Variants in ODAD2 observed in about 807,000 individuals in gnomAD.
ODAD2 encodes outer dynein arm docking complex subunit 2, also known as outer dynein arm-docking complex subunit 2.
ODAD2 carries 89 observed loss-of-function variants against 106.8 expected under a neutral mutation model. That is an observed-to-expected ratio of 0.83 (90% CI 0.70 to 0.99). The LOEUF (loss-of-function observed/expected upper bound fraction) is 0.99, where lower values mean the gene tolerates loss of function less well. ODAD2 is among the 50% of genes least tolerant of loss of function. The pLI is 0.00. For missense variants in ODAD2, 1,168 were observed against 1,238.5 expected, an observed-to-expected ratio of 0.94 and a Z score of 0.85; for synonymous variants, 404 against 436.2, an observed-to-expected ratio of 0.93 and a Z score of 0.92.
chr10:27,834,791 A>G (rs1325452314), intron 19 of ODAD2, among the ~76,000 whole-genome samples: 1 of 152,150 alleles, frequency 6.6e-6, no homozygotes, highest in Non-Finnish European at 1.5e-5. Flanking sequence ...TCTCTCTTTT[A>G]ATTCTCAGAT....
chr10:27,869,528 T>C (rs542121743), intron 17 of ODAD2, among the ~76,000 whole-genome samples: 8 of 131,134 alleles, frequency 6.1e-5, no homozygotes, highest in Non-Finnish European at 1.3e-4. Flanking sequence ...CTTTTTTTTC[T>C]TTTTTCTTTT....
At chr10:27,971,359 C>G (rs757650419) in intron 7 of ODAD2, 46 bp from the exon 8 acceptor site, 1 of 1,448,772 alleles carries the variant, frequency 6.9e-7, no homozygotes, top group South Asian at 1.4e-5. Context: ...TCTGAATTAT[C>G]TAGTGTTCTC....
intron 17 of ODAD2, among the ~76,000 whole-genome samples, chr10:27,888,349 A>T (rs996789873): frequency 1.3e-5 from 2 of 152,076 alleles, no homozygotes; most frequent in African/African-American, 4.8e-5. Flanking sequence ...TTTACTTTTT[A>T]ATAATAGCCA....
At chr10:27,985,843 A>G (rs550579503) in intron 3 of ODAD2, among the ~76,000 whole-genome samples, 51 of 151,676 alleles carry the variant, frequency 3.4e-4, no homozygotes, top group African/African-American at 1.1e-3. Flanking sequence ...CCAATTCATT[A>G]TCAAGGCTGA....
intron 19 of ODAD2, among the ~76,000 whole-genome samples, chr10:27,819,595 A>T (rs112792664): frequency 5.1e-4 from 76 of 149,758 alleles, no homozygotes; most frequent in African/African-American, 1.8e-3. Flanking sequence ...AAAAAAAAAA[A>T]AAAAAAGTTA....
intron 7 of ODAD2, among the ~76,000 whole-genome samples, chr10:27,974,541 T>C (rs1021395100): frequency 6.6e-6 from 1 of 152,162 alleles, no homozygotes; most frequent in Non-Finnish European, 1.5e-5. Flanking sequence ...TGGTTGTAGG[T>C]GTGCAGCCTT....
intron 16 of ODAD2, among the ~76,000 whole-genome samples, chr10:27,908,645 T>C (rs1203100478): frequency 6.6e-6 from 1 of 152,190 alleles, no homozygotes; most frequent in Non-Finnish European, 1.5e-5. Flanking sequence ...TAAACACATG[T>C]AGTATTGAGC....
chr10:27,984,128 C>T, intron 5 of ODAD2, 56 bp downstream of exon 5: 1 of 1,507,150 alleles, frequency 6.6e-7, no homozygotes, highest in South Asian at 1.2e-5. Flanking sequence ...AAGCATTTTG[C>T]AAATGTAATT....
chr10:27,833,715 C>T (rs577672518), intron 19 of ODAD2, among the ~76,000 whole-genome samples: 1 of 152,180 alleles, frequency 6.6e-6, no homozygotes, highest in African/African-American at 2.4e-5. Flanking sequence ...TGAACTAGTT[C>T]CTGGAAATGC....
chr10:27,944,866 C>T lies in ODAD2; in HGVS notation c.1483G>A (p.Gly495Ser). Reference protein sequence around the residue: ...TCQLAIRDVGGLEVLINLLET... With the variant: ...TCQLAIRDVGSLEVLINLLET... ...AGCAAATTTATCAGCACTTCCAGGC[C>T]TCCAACATCTCTGATGGCCAACTGG... The change falls in exon 11 of 20, where the codon GGC (glycine) becomes AGC (serine). Residue 495 changes from glycine to serine, a missense_variant. This residue lies in a region of ODAD2 where 701 missense variants were observed against 712.3 expected (regional missense o/e 0.98). Coordinates refer to ENST00000305242, the MANE Select transcript of ODAD2 (RefSeq NM_018076.5). 6.2e-7 allele frequency: 1 copy of T among 1,614,134 alleles called. No homozygotes were observed.
At chr10:27,978,980 C>A (rs1849365551) in intron 7 of ODAD2, among the ~76,000 whole-genome samples, 1 of 151,894 alleles carries the variant, frequency 6.6e-6, no homozygotes, top group African/African-American at 2.4e-5. Flanking sequence ...GAGGCCGAGG[C>A]AAGCAGATTA....
At chr10:27,930,304 G>T (rs978371429) in intron 16 of ODAD2, among the ~76,000 whole-genome samples, 4 of 152,254 alleles carry the variant, frequency 2.6e-5, no homozygotes, top group Admixed American at 6.5e-5. Flanking sequence ...AAGCACTTTG[G>T]AAGTTTGAGG....
Position 27,981,477 on chromosome 10 carries a change from T to C in ODAD2, c.925A>G (p.Met309Val), listed in dbSNP as rs774313354. 1.3e-6 allele frequency: 2 copies of C among 1,512,168 alleles called. No homozygotes were observed. Among genetic ancestry groups the C allele is most frequent in the Non-Finnish European group, 1.8e-6 (2 of 1,141,248 alleles). 93.7% of individuals were successfully genotyped at this position (1,512,168 alleles called of 1,614,324 possible). ...REKSPKFSEN[M>V]SKLGISFSED... ...ACCATAAAACTTACCAATTTAGACA[T>C]ATTTTCTGAAAATTTTGGTGATTTT... The change falls in exon 7 of 20, where the codon ATG becomes GTG. Residue 309 changes from methionine (M) to valine (V), a missense_variant. Around this residue, in one of 3 missense-constraint regions of ODAD2, gnomAD observed 430 missense variants for 452.2 expected, o/e 0.95. Transcript: ENST00000305242.
intron 19 of ODAD2, among the ~76,000 whole-genome samples, chr10:27,814,866 TCAA>T (rs1836008866): frequency 6.6e-6 from 1 of 152,218 alleles, no homozygotes; most frequent in African/African-American, 2.4e-5. Context: ...GAGGCATATG[TCAA>T]CAACAAGGCA....
intron 19 of ODAD2, 139 bp from the exon 20 acceptor site, chr10:27,812,764 C>A: frequency 1.6e-6 from 2 of 1,263,250 alleles, no homozygotes; most frequent in Non-Finnish European, 2.1e-6. Flanking sequence ...TCCATTTAAG[C>A]AAATACGAAT....
intron 9 of ODAD2, among the ~76,000 whole-genome samples, chr10:27,962,133 C>CA (rs781568192): frequency 1.3e-5 from 2 of 152,252 alleles, no homozygotes; most frequent in Non-Finnish European, 2.9e-5. Context: ...ATTGCAGGTG[C>CA]AATTGCTCTG....
chr10:27,891,833 G>A (rs2133711478), intron 17 of ODAD2, among the ~76,000 whole-genome samples: 2 of 152,206 alleles, frequency 1.3e-5, no homozygotes, highest in East Asian at 3.9e-4. Context: ...AAATAATCGT[G>A]TGATACGACA....
At chr10:27,825,455 T>A (rs546261308) in intron 19 of ODAD2, among the ~76,000 whole-genome samples, 1 of 152,214 alleles carries the variant, frequency 6.6e-6, no homozygotes, top group Admixed American at 6.5e-5. Context: ...GAAATGGCCA[T>A]GAGTCTTTTT....
Position 27,922,357 on chromosome 10 carries a change from A to C in ODAD2, c.2495+12653T>G, listed in dbSNP as rs570192245. Among the ~76,000 whole-genome samples, 4 of 152,224 alleles carry C rather than the reference A, an allele frequency of 2.6e-5. No individual in the cohort carries two copies. In the South Asian group the frequency reaches 8.3e-4, roughly 32 times the overall value. ...GATGAGCTCCAAACTAAGACTATAG[A>C]ACTTAAGCTAATTGAATCACATATG... is the stretch of plus-strand genomic sequence containing the variant. On this transcript the variant is annotated intron_variant, in intron 16 of 19. Transcript: ENST00000305242.
Sources: allele counts gnomAD v4.1 joint callset (sites outside exome capture counted in the v4.1 genomes callset), GRCh38; gene constraint gnomAD v4.1.1; regional missense constraint gnomAD v4.1.1; transcripts MANE v1.5; gene names NCBI Gene and HGNC (gene_info 2026-07-23, HGNC 2026-07-21).